The following KIAA0586 variants were observed in gnomAD, a reference collection of about 807,000 sequenced individuals.
KIAA0586 encodes the protein protein TALPID3.
In KIAA0586, 144 loss-of-function variants were observed where a neutral mutation model predicts 169.8. That is an observed-to-expected ratio of 0.85 (90% CI 0.74 to 0.97). The LOEUF (loss-of-function observed/expected upper bound fraction) is 0.97. Ranked by LOEUF, KIAA0586 falls within the 50% of genes least tolerant of loss-of-function variation. KIAA0586 has a pLI of 0.00. For synonymous variants in KIAA0586, 625 were observed against 612.4 expected (o/e 1.02, Z -0.30); for missense variants, 1,854 against 1,823.0 (o/e 1.02, Z -0.31).
chr14:58,484,878 TTATATATATATTTA>T (rs1438954662), intron 21 of KIAA0586, among the ~76,000 whole-genome samples: 3 of 51,000 alleles, frequency 5.9e-5, no homozygotes, highest in African/African-American at 2.4e-4. Flanking sequence ...TTTATATATA[TTATATATATATTTA>T]TATATATATA....
intron 29 of KIAA0586, among the ~76,000 whole-genome samples, chr14:58,531,538 A>G (rs371963216): frequency 1.3e-5 from 2 of 152,170 alleles, no homozygotes; most frequent in African/African-American, 4.8e-5. Context: ...TCAGGAAACA[A>G]CAGATGCTGA....
At position 58,457,967 on chromosome 14, in the gene KIAA0586, T is replaced by C; in HGVS notation, c.1571T>C (p.Leu524Ser). The part of the protein sequence containing the change: ...GAAMYSLINA[L>S]STNREMSEKI... ...GCCATGTATTCGCTTATCAATGCTT[T>C]ATCTACCAACAGGTAAGAGGATGTT... Residue 524 changes from leucine (L) to serine (S), a missense_variant, in exon 11 of 31, where the codon TTA becomes TCA. Transcript: ENST00000652326. The C allele has an allele frequency of 6.3e-7, 1 of 1,587,726 alleles. No homozygotes were observed. Among genetic ancestry groups the C allele is most frequent in the Non-Finnish European group, 8.6e-7 (1 of 1,165,246 alleles).
intron 29 of KIAA0586, among the ~76,000 whole-genome samples, chr14:58,533,515 TGGGGCAG>T (rs1263786461): frequency 6.6e-6 from 1 of 152,200 alleles, no homozygotes. Context: ...GTGAATTCTC[TGGGGCAG>T]GGGCCTGACT....
chr14:58,535,514 A>G (rs777747778), intron 29 of KIAA0586, among the ~76,000 whole-genome samples: 1 of 152,176 alleles, frequency 6.6e-6, no homozygotes, highest in Non-Finnish European at 1.5e-5. Flanking sequence ...TTAACTATCA[A>G]CTTCTTGGCA....
rs543515527 is a variant in KIAA0586 at position 58,549,995 on chromosome 14, G to C, written c.*2063G>C. 7 of 151,538 alleles carry C rather than the reference G, an allele frequency of 4.6e-5. No individual in the cohort carries two copies. The highest frequency in any genetic ancestry group is 1.7e-4 in the African/African-American group (7 of 41,282). 9.4% of individuals were successfully genotyped at this position (151,538 alleles called of 1,614,324 possible). On this transcript the variant is annotated 3_prime_UTR_variant, in exon 31 of 31. Transcript: ENST00000652326. ...TTTTAAAAAAAATTAGTGTCCATTC[G>C]ACGGTTTCTTTTTTTTTTTTTTGAG...
rs753351951 is a variant in KIAA0586 at position 58,482,659 on chromosome 14, C to T, written c.3091C>T (p.Pro1031Ser). ...TGACAGAGAAGCAAAGAAGCAAGGT[C>T]CTGTTGCTACAGGTGTTTCTGGGGA... is the stretch of plus-strand genomic sequence containing the variant. Reference protein sequence around the residue: ...LGDREAKKQGPVATGVSGDAS... With the variant: ...LGDREAKKQGSVATGVSGDAS... Residue 1031 changes from proline to serine, a missense_variant, in exon 21 of 31, where the codon CCT (proline) becomes TCT (serine). Coordinates refer to ENST00000652326, the MANE Select transcript of KIAA0586 (RefSeq NM_001329943.3). The T allele has an allele frequency of 1.2e-6, 2 of 1,605,024 alleles. No homozygotes were observed. Among genetic ancestry groups the T allele is most frequent in the Admixed American group, 1.7e-5 (1 of 58,724 alleles).
At chr14:58,462,555 G>A (rs978683918) in intron 14 of KIAA0586, among the ~76,000 whole-genome samples, 10 of 152,160 alleles carry the variant, frequency 6.6e-5, no homozygotes, top group African/African-American at 2.4e-4. Context: ...GCCCGGCCTA[G>A]TGTAGCTTTG....
At chr14:58,522,000 T>A (rs1297907426) in intron 29 of KIAA0586, 4 of 1,301,928 alleles carry the variant, frequency 3.1e-6, no homozygotes, top group Middle Eastern at 5.2e-4. Context: ...AAGCACATAG[T>A]GGGGTTTAGA....
intron 14 of KIAA0586, chr14:58,464,150 C>T: frequency 2.6e-6 from 1 of 386,466 alleles, no homozygotes; most frequent in Non-Finnish European, 5.2e-6. Context: ...AAGATACCTG[C>T]CACACAAAAG....
At chr14:58,469,485 CTT>C (rs2041033520) in intron 16 of KIAA0586, among the ~76,000 whole-genome samples, 1 of 152,172 alleles carries the variant, frequency 6.6e-6, no homozygotes, top group South Asian at 2.1e-4. Context: ...CCTGGGGACA[CTT>C]CAGCCTGGAC....
At chr14:58,541,679 A>G (rs547336173) in intron 30 of KIAA0586, among the ~76,000 whole-genome samples, 3 of 152,368 alleles carry the variant, frequency 2.0e-5, no homozygotes, top group South Asian at 4.1e-4. Flanking sequence ...ATCCAAAAAC[A>G]GAAAACATAA....
rs1395983197 is a variant in KIAA0586 at position 58,548,019 on chromosome 14, G to A, written c.*87G>A. 1.4e-6 allele frequency: 2 copies of A among 1,410,012 alleles called. No homozygotes were observed. Among genetic ancestry groups the A allele is most frequent in the East Asian group, 2.5e-5 (1 of 39,724 alleles). The allele number at this position is 1,410,012 out of a possible 1,614,324, so 87.3% of individuals were successfully genotyped here. On this transcript the variant is annotated 3_prime_UTR_variant, in exon 31 of 31. Coordinates refer to ENST00000652326, the MANE Select transcript of KIAA0586 (RefSeq NM_001329943.3). ...TTAAAACCCTCTCTCAGACTGTTTG[G>A]TTTTTGAGCATATTCTGAAAAAAAA... is the stretch of plus-strand genomic sequence containing the variant.
At chr14:58,523,454 TTTA>T (rs912593136) in intron 29 of KIAA0586, among the ~76,000 whole-genome samples, 2 of 152,100 alleles carry the variant, frequency 1.3e-5, no homozygotes, top group African/African-American at 2.4e-5. Flanking sequence ...CTTTAAAGTT[TTTA>T]TTATGATTTT....
chr14:58,474,938 A>G (rs1162469531), intron 19 of KIAA0586, 141 bp downstream of exon 19: 11 of 664,012 alleles, frequency 1.7e-5, no homozygotes, highest in Admixed American at 1.0e-4. Context: ...AGTGTTTGAT[A>G]TAATGCTGAG....
chr14:58,527,999 G>C (rs891319390), intron 29 of KIAA0586, among the ~76,000 whole-genome samples: 9 of 152,272 alleles, frequency 5.9e-5, no homozygotes, highest in Non-Finnish European at 1.3e-4. Context: ...TCAAAATAAA[G>C]GGATGGAGGA....
chr14:58,521,451 C>T lies in KIAA0586; in HGVS notation c.4429+8824C>T, dbSNP rs926459160. On this transcript the variant is annotated intron_variant, in intron 29 of 30. Transcript: ENST00000652326. ...TGGAGATGTACAGCTCCTCTTTTGACTTGGACCATGACTTTCAACGGGATT... is the reference window on the plus strand; with the variant it reads ...TGGAGATGTACAGCTCCTCTTTTGATTTGGACCATGACTTTCAACGGGATT... 3.9e-6 allele frequency: 3 copies of T among 767,022 alleles called. No homozygotes were observed. In the African/African-American group the frequency reaches 5.2e-5, roughly 13 times the overall value. The allele number at this position is 767,022 out of a possible 1,614,324, so 47.5% of individuals were successfully genotyped here. A position where few individuals can be genotyped will look rare whatever the true frequency, so the allele number is the denominator to read the frequency against.
At chr14:58,523,508 A>G (rs1395500433) in intron 29 of KIAA0586, among the ~76,000 whole-genome samples, 1 of 152,094 alleles carries the variant, frequency 6.6e-6, no homozygotes, top group Non-Finnish European at 1.5e-5. Context: ...AATTTAAACT[A>G]TTAGATCAAT....
At chr14:58,440,021 T>G (rs904314349) in intron 4 of KIAA0586, 10 of 229,498 alleles carry the variant, frequency 4.4e-5, no homozygotes, top group Non-Finnish European at 8.7e-5. Context: ...GGACTTGTTT[T>G]CATTTCAGGG....
chr14:58,460,149 G>A lies in KIAA0586; in HGVS notation c.1884+79G>A, dbSNP rs2040207464. The A allele has an allele frequency of 2.2e-5, 18 of 809,950 alleles. No individual in the cohort carries two copies. The South Asian group carries it at 2.9e-4, about 13-fold the overall frequency. The allele number at this position is 809,950 out of a possible 1,614,324, so 50.2% of individuals were successfully genotyped here. On this transcript the variant is annotated intron_variant, in intron 13 of 30. Coordinates refer to ENST00000652326, the MANE Select transcript of KIAA0586 (RefSeq NM_001329943.3). ...TCCTTTAAGAGATAAATAATGAAGC[G>A]AATGTGAAGGTGTTTTAAAAATATG...
Sources: allele counts gnomAD v4.1 joint callset (sites outside exome capture counted in the v4.1 genomes callset), GRCh38; gene constraint gnomAD v4.1.1; transcripts MANE v1.5; gene names NCBI Gene and HGNC (gene_info 2026-07-23, HGNC 2026-07-21).